GPR146: variants seen among roughly 807,000 people sequenced by gnomAD.
GPR146 encodes G protein-coupled receptor 146.
For missense variants in GPR146, 381 were observed against 213.9 expected (o/e 1.78, Z -4.87); for synonymous variants, 203 against 104.3 (o/e 1.95, Z -5.77).
At chr7:1,055,538 G>T (rs1783643312) in intron 1 of GPR146, 1 of 435,562 alleles carries the variant, frequency 2.3e-6, no homozygotes, top group Admixed American at 2.4e-5. Context: ...GCTCTGTGCA[G>T]TACAGGCAGG....
chr7:1,047,668 T>C lies in GPR146; in HGVS notation c.-25+3010T>C, dbSNP rs114038659. Among the ~76,000 whole-genome samples, 928 of 152,396 alleles carry C rather than the reference T, an allele frequency of 6.1e-3. 14 individuals carry two copies. The highest frequency in any genetic ancestry group is 0.021 in the African/African-American group (892 of 41,604). On this transcript the variant is annotated intron_variant, in intron 1 of 1. Transcript: ENST00000444847. ...TGAGCGTCTCATGGTGCATGGCAGG[T>C]TCGGCCAGGAGCTGGCCGTGGCCTT...
chr7:1,058,563 C>A lies in GPR146; in HGVS notation c.*46C>A. The A allele has an allele frequency of 1.4e-6, 1 of 735,472 alleles. No individual in the cohort carries two copies. Among genetic ancestry groups the A allele is most frequent in the South Asian group, 1.5e-5 (1 of 67,512 alleles). 45.6% of individuals were successfully genotyped at this position (735,472 alleles called of 1,614,324 possible). ...AGACGTGACTCTGGTGGACGCAGAG[C>A]ACTTAGTTACCCTGGACGCTCCCCA... On this transcript the variant is annotated 3_prime_UTR_variant, in exon 2 of 2. Coordinates refer to ENST00000444847, the MANE Select transcript of GPR146 (RefSeq NM_001303473.2).
intron 1 of GPR146, among the ~76,000 whole-genome samples, chr7:1,051,401 C>T (rs564421406): frequency 5.3e-5 from 8 of 152,354 alleles, no homozygotes; most frequent in African/African-American, 1.4e-4. Flanking sequence ...AGCAGTTTCC[C>T]GCACAGCGTG....
chr7:1,054,043 C>T (rs1001166499), intron 1 of GPR146, among the ~76,000 whole-genome samples: 2 of 152,188 alleles, frequency 1.3e-5, no homozygotes, highest in Non-Finnish European at 2.9e-5. Context: ...TGCTGACCTG[C>T]CTTCCTTCCA....
chr7:1,052,599 G>A lies in GPR146; in HGVS notation c.-24-4893G>A, dbSNP rs966608508. ...CTGGGAGGGTGGCCAGGAACTGGGGGAGAAGCTGGTGGTCAAGCTGGTGGT... is the reference window on the plus strand; with the variant it reads ...CTGGGAGGGTGGCCAGGAACTGGGGAAGAAGCTGGTGGTCAAGCTGGTGGT... On this transcript the variant is annotated intron_variant, in intron 1 of 1. Transcript: ENST00000444847. This position sits in a 1 kb window ranked among gnomAD's most constrained non-coding sequence, Gnocchi z 4.2. Among the ~76,000 whole-genome samples, 1 of 152,174 alleles carries A rather than the reference G, an allele frequency of 6.6e-6. No homozygotes were observed. The highest frequency in any genetic ancestry group is 2.4e-5 in the African/African-American group (1 of 41,430).
Position 1,052,358 on chromosome 7 carries a change from G to A in GPR146, c.-24-5134G>A, listed in dbSNP as rs1426740415. On this transcript the variant is annotated intron_variant, in intron 1 of 1. Coordinates refer to ENST00000444847, the MANE Select transcript of GPR146 (RefSeq NM_001303473.2). The surrounding 1 kb of genome is among the most constrained non-coding windows in gnomAD (Gnocchi z 4.2). ...CTCCCTAGGGGAGGGCCTTGGGGCT[G>A]CTTGTGCTGGCACCGACGTGGGCCT... Among the ~76,000 whole-genome samples the A allele has an allele frequency of 6.6e-6, 1 of 152,254 alleles. No homozygotes were observed. Among genetic ancestry groups the A allele is most frequent in the Non-Finnish European group, 1.5e-5 (1 of 68,036 alleles).
intron 1 of GPR146, among the ~76,000 whole-genome samples, chr7:1,046,083 C>T (rs1377548591): frequency 1.4e-5 from 2 of 144,922 alleles, no homozygotes; most frequent in African/African-American, 5.1e-5. Context: ...TTATGTCTAT[C>T]ATACAATGAA....
chr7:1,051,635 C>T (rs868083728), intron 1 of GPR146, among the ~76,000 whole-genome samples: 36 of 152,178 alleles, frequency 2.4e-4, no homozygotes, highest in African/African-American at 5.1e-4. Flanking sequence ...TTGGGAAGGA[C>T]GGGCAGTAGG....
intron 1 of GPR146, among the ~76,000 whole-genome samples, chr7:1,051,484 C>T (rs1453000974): frequency 3.3e-5 from 5 of 152,358 alleles, no homozygotes; most frequent in East Asian, 1.9e-4. Flanking sequence ...GACACTCTCC[C>T]GATTCCGCTG....
At chr7:1,053,782 G>A (rs548859076) in intron 1 of GPR146, among the ~76,000 whole-genome samples, 19 of 152,248 alleles carry the variant, frequency 1.2e-4, no homozygotes, top group East Asian at 5.8e-4. Flanking sequence ...AGCTGAGATC[G>A]TGCCACTGCA....
intron 1 of GPR146, chr7:1,056,348 T>G (rs1323562711): frequency 6.6e-6 from 1 of 152,622 alleles, no homozygotes; most frequent in Non-Finnish European, 1.5e-5. Context: ...GCGGCCTAGC[T>G]CTGCATGCCT....
intron 1 of GPR146, chr7:1,055,520 C>T (rs1011925358): frequency 1.6e-5 from 7 of 448,844 alleles, no homozygotes; most frequent in Admixed American, 1.2e-4. Flanking sequence ...GGAGAGGGGA[C>T]GTGGGGGGCT....
chr7:1,055,674 G>C (rs2128202539), intron 1 of GPR146, among the ~76,000 whole-genome samples: 1 of 152,156 alleles, frequency 6.6e-6, no homozygotes, highest in East Asian at 1.9e-4. Context: ...CACACTGAGG[G>C]GTCCCGGCCC....
At chr7:1,057,172 A>G (rs935518717) in intron 1 of GPR146, among the ~76,000 whole-genome samples, 2 of 152,068 alleles carry the variant, frequency 1.3e-5, no homozygotes, top group Admixed American at 6.6e-5. Context: ...GGCCCGTCCA[A>G]CCAACTCAGG....
chr7:1,053,774 C>T (rs10251493), intron 1 of GPR146, among the ~76,000 whole-genome samples: 26,215 of 152,116 alleles, frequency 0.17, 2,350 homozygotes, highest in Admixed American at 0.21. Context: ...TTGCAGTGAG[C>T]TGAGATCGTG....
Position 1,058,542 on chromosome 7 carries a change from G to T in GPR146, c.*25G>T. 1.3e-6 allele frequency: 1 copy of T among 762,760 alleles called. No individual in the cohort carries two copies. The highest frequency in any genetic ancestry group is 2.4e-6 in the Non-Finnish European group (1 of 409,040). 47.2% of individuals were successfully genotyped at this position (762,760 alleles called of 1,614,324 possible). A position where few individuals can be genotyped will look rare whatever the true frequency, so the allele number is the denominator to read the frequency against. ...GGCGGCCCAGCCCTCCTGGGGAGACGTGACTCTGGTGGACGCAGAGCACTT... is the reference window on the plus strand; with the variant it reads ...GGCGGCCCAGCCCTCCTGGGGAGACTTGACTCTGGTGGACGCAGAGCACTT... On this transcript the variant is annotated 3_prime_UTR_variant, in exon 2 of 2. Coordinates refer to ENST00000444847, the MANE Select transcript of GPR146 (RefSeq NM_001303473.2).
rs142160836 is a variant in GPR146 at position 1,058,001 on chromosome 7, G to A, written c.486G>A (p.Ser162=). The A allele has an allele frequency of 7.4e-5, 57 of 770,070 alleles. No homozygotes were observed. The highest frequency in any genetic ancestry group is 5.8e-4 in the East Asian group (24 of 41,240). 47.7% of individuals were successfully genotyped at this position (770,070 alleles called of 1,614,324 possible). A position where few individuals can be genotyped will look rare whatever the true frequency, so the allele number is the denominator to read the frequency against. ...GCGCGCTGCTGACCAGCTTCTCCTC[G>A]CTGCTCTTCTACATCTGCAGCCATG... The part of the protein sequence containing the change: ...WGGALLTSFS[S]LLFYICSHVS... The change falls in exon 2 of 2, where the codon TCG becomes TCA. Residue 162 remains serine, a synonymous_variant. Transcript: ENST00000444847.
chr7:1,057,080 C>T (rs1013931655), intron 1 of GPR146, among the ~76,000 whole-genome samples: 2 of 152,108 alleles, frequency 1.3e-5, no homozygotes, highest in African/African-American at 2.4e-5. Context: ...CAGGGCTGAC[C>T]GTCCACATTG....
At position 1,052,357 on chromosome 7, in the gene GPR146, T is replaced by A. The variant is rs537865316; in HGVS notation, c.-24-5135T>A. ...CCTCCCTAGGGGAGGGCCTTGGGGC[T>A]GCTTGTGCTGGCACCGACGTGGGCC... On this transcript the variant is annotated intron_variant, in intron 1 of 1. Coordinates refer to ENST00000444847, the MANE Select transcript of GPR146 (RefSeq NM_001303473.2). The surrounding 1 kb of genome is among the most constrained non-coding windows in gnomAD (Gnocchi z 4.2). Among the ~76,000 whole-genome samples, 1 of 152,288 alleles carries A rather than the reference T, an allele frequency of 6.6e-6. No homozygotes were observed. The highest frequency in any genetic ancestry group is 2.4e-5 in the African/African-American group (1 of 41,572).
Sources: allele counts gnomAD v4.1 joint callset (sites outside exome capture counted in the v4.1 genomes callset), GRCh38; gene constraint gnomAD v4.1.1; non-coding constraint Gnocchi (gnomAD v3.1); transcripts MANE v1.5; gene names NCBI Gene and HGNC (gene_info 2026-07-23, HGNC 2026-07-21).